The following ANTXR1 variants were observed in gnomAD, a reference collection of about 807,000 sequenced individuals.
ANTXR1 encodes ANTXR cell adhesion molecule 1, also known as anthrax toxin receptor 1.
Under a neutral mutation model 78.1 loss-of-function variants are expected in ANTXR1, and 19 were observed. That is an observed-to-expected ratio of 0.24 (90% CI 0.17 to 0.36). The LOEUF is 0.36. Among genes scored for constraint, ANTXR1 ranks in the 10% least tolerant of loss-of-function variants. The pLI is 1.00. For missense variants in ANTXR1, 518 were observed against 718.6 expected (o/e 0.72, Z 3.19); for synonymous variants, 273 against 260.5 (o/e 1.05, Z -0.46).
intron 8 of ANTXR1, 64 bp downstream of exon 8, chr2:69,077,552 A>T: frequency 6.6e-7 from 1 of 1,517,786 alleles, no homozygotes; most frequent in Non-Finnish European, 9.1e-7. Context: ...TCTGCTATTA[A>T]TACCCCAATT....
intron 12 of ANTXR1, among the ~76,000 whole-genome samples, chr2:69,132,856 A>ATAGCCAG (rs1462789846): frequency 6.6e-6 from 1 of 152,242 alleles, no homozygotes; most frequent in African/African-American, 2.4e-5. Context: ...GACTCGAAGA[A>ATAGCCAG]TAGCCAGTCC....
At chr2:69,172,642 G>A in intron 14 of ANTXR1, 4 of 785,618 alleles carry the variant, frequency 5.1e-6, no homozygotes, top group Non-Finnish European at 6.7e-6. Context: ...TCTGAGAGAG[G>A]CATGTCTACT....
chr2:69,199,240 G>T (rs1052853688), intron 17 of ANTXR1, among the ~76,000 whole-genome samples: 1 of 152,168 alleles, frequency 6.6e-6, no homozygotes, highest in African/African-American at 2.4e-5. Flanking sequence ...GAAGTTCTGG[G>T]GTGGAGCCTG....
intron 16 of ANTXR1, among the ~76,000 whole-genome samples, chr2:69,193,109 C>A (rs910755194): frequency 3.3e-5 from 5 of 152,098 alleles, no homozygotes; most frequent in African/African-American, 9.7e-5. Flanking sequence ...CCTCAGGGTG[C>A]GTCCTTCACA....
intron 1 of ANTXR1, among the ~76,000 whole-genome samples, chr2:69,015,768 A>G (rs1377589059): frequency 6.6e-6 from 1 of 152,160 alleles, no homozygotes; most frequent in East Asian, 1.9e-4. Context: ...ACTTCTATAA[A>G]TGAAAAATAA....
intron 8 of ANTXR1, among the ~76,000 whole-genome samples, chr2:69,080,812 G>T (rs190509346): frequency 1.3e-5 from 2 of 152,296 alleles, no homozygotes; most frequent in South Asian, 2.1e-4. Context: ...CATTGGAAGG[G>T]CATGGATAGA....
chr2:69,159,546 A>AAG (rs1054902251), intron 13 of ANTXR1, among the ~76,000 whole-genome samples: 28 of 152,296 alleles, frequency 1.8e-4, no homozygotes, highest in African/African-American at 4.8e-4. Flanking sequence ...AAAGAAAAAA[A>AAG]AAATCCTGCT....
rs1669807609 is a variant in ANTXR1 at position 69,047,583 on chromosome 2, C to T, written c.296+2770C>T. The stretch of plus-strand genomic sequence containing the variant: ...ACCCTATTTTGACTTTGCAGAGCTT[C>T]TTGAATCTATAAACTTGTCTGTCAC... On this transcript the variant is annotated intron_variant, in intron 3 of 17. Coordinates refer to ENST00000303714, the MANE Select transcript of ANTXR1 (RefSeq NM_032208.3). Among the ~76,000 whole-genome samples the T allele has an allele frequency of 2.0e-5, 3 of 152,076 alleles. No homozygotes were observed. In the South Asian group the frequency reaches 6.2e-4, roughly 32 times the overall value.
At position 69,077,398 on chromosome 2, in the gene ANTXR1, G is replaced by A. The variant is rs568587007; in HGVS notation, c.562-10G>A. The A allele has an allele frequency of 6.2e-7, 1 of 1,614,104 alleles. No individual in the cohort carries two copies. Among genetic ancestry groups the A allele is most frequent in the African/African-American group, 1.3e-5 (1 of 75,044 alleles). On this transcript the variant is annotated splice_polypyrimidine_tract_variant and intron_variant, in intron 7 of 17. Coordinates refer to ENST00000303714, the MANE Select transcript of ANTXR1 (RefSeq NM_032208.3). ...CTCCCCATGTGTTTGTGTATTTGCT[G>A]TGTTCTCAGCTGGCCCGGATTGCGG...
chr2:69,200,367 G>A (rs1238965643), intron 17 of ANTXR1, among the ~76,000 whole-genome samples: 15 of 152,222 alleles, frequency 9.9e-5, no homozygotes, highest in Admixed American at 7.9e-4. Context: ...CAATAAGGGC[G>A]TGAGGCCAGT....
At chr2:69,051,000 T>C (rs891241636) in intron 3 of ANTXR1, among the ~76,000 whole-genome samples, 1 of 152,088 alleles carries the variant, frequency 6.6e-6, no homozygotes. Context: ...AAATAAAAGA[T>C]AATTGCCCGG....
At chr2:69,098,375 A>G (rs892944883) in intron 9 of ANTXR1, among the ~76,000 whole-genome samples, 1 of 152,214 alleles carries the variant, frequency 6.6e-6, no homozygotes, top group Non-Finnish European at 1.5e-5. Flanking sequence ...CACATTAAGC[A>G]TCTAAGAGGA....
At chr2:69,171,445 A>G (rs760273158) in intron 14 of ANTXR1, among the ~76,000 whole-genome samples, 8 of 152,238 alleles carry the variant, frequency 5.3e-5, no homozygotes, top group Non-Finnish European at 7.3e-5. Context: ...CACGACTGCA[A>G]TTGGCTTTGC....
At chr2:69,170,837 G>A (rs985203745) in intron 14 of ANTXR1, among the ~76,000 whole-genome samples, 37 of 152,232 alleles carry the variant, frequency 2.4e-4, no homozygotes, top group African/African-American at 7.9e-4. Flanking sequence ...TCAAATTCTC[G>A]TCATCTAAAG....
At chr2:69,202,364 G>T (rs1389537128) in intron 17 of ANTXR1, among the ~76,000 whole-genome samples, 1 of 152,154 alleles carries the variant, frequency 6.6e-6, no homozygotes, top group Admixed American at 6.5e-5. Context: ...AATAAGATTA[G>T]CAGTAAGGAG....
intron 12 of ANTXR1, chr2:69,146,469 T>C: frequency 1.3e-6 from 1 of 798,342 alleles, no homozygotes; most frequent in Non-Finnish European, 1.5e-6. Flanking sequence ...CTGTTTGCTG[T>C]TTCTCCCCCT....
chr2:69,134,334 C>A (rs1672850949), intron 12 of ANTXR1, among the ~76,000 whole-genome samples: 1 of 152,146 alleles, frequency 6.6e-6, no homozygotes, highest in Middle Eastern at 3.2e-3. Context: ...TGCAGCTATA[C>A]CTTTAGAGCC....
intron 17 of ANTXR1, among the ~76,000 whole-genome samples, chr2:69,217,549 A>G (rs1044759936): frequency 6.6e-6 from 1 of 152,258 alleles, no homozygotes; most frequent in Non-Finnish European, 1.5e-5. Context: ...AACTTGTAAA[A>G]TGAGCCCATG....
intron 17 of ANTXR1, among the ~76,000 whole-genome samples, chr2:69,245,023 G>T (rs1337335165): frequency 9.9e-5 from 15 of 152,064 alleles, no homozygotes; most frequent in Admixed American, 7.9e-4. Flanking sequence ...AGGAAAAGAT[G>T]AATTTTAACA....
Sources: allele counts gnomAD v4.1 joint callset (sites outside exome capture counted in the v4.1 genomes callset), GRCh38; gene constraint gnomAD v4.1.1; transcripts MANE v1.5; gene names NCBI Gene and HGNC (gene_info 2026-07-23, HGNC 2026-07-21).